Variants in PRIMA1 observed in about 807,000 individuals in gnomAD.
PRIMA1 encodes the protein proline rich membrane anchor 1.
In PRIMA1, 7 loss-of-function variants were observed where a neutral mutation model predicts 17.5. The ratio of observed to expected loss-of-function variants is 0.40; its 90% CI spans 0.23 to 0.75. PRIMA1 has a LOEUF of 0.75. Ranked by LOEUF, PRIMA1 falls within the 30% of genes least tolerant of loss-of-function variation. PRIMA1 has a pLI of 0.37. For synonymous variants in PRIMA1, 97 were observed against 77.9 expected (o/e 1.25, Z -1.29); for missense variants, 200 against 201.8 (o/e 0.99, Z 0.05).
At chr14:93,752,845 C>A (rs566266846) in intron 3 of PRIMA1, among the ~76,000 whole-genome samples, 1 of 152,358 alleles carries the variant, frequency 6.6e-6, no homozygotes, top group Non-Finnish European at 1.5e-5. Context: ...ATCAAATGCC[C>A]ATCTGCCCAA....
intron 3 of PRIMA1, among the ~76,000 whole-genome samples, chr14:93,737,915 A>G (rs1213606227): frequency 6.6e-6 from 1 of 151,308 alleles, no homozygotes; most frequent in Non-Finnish European, 1.5e-5. Flanking sequence ...TCATTCTCTC[A>G]GCTGAGGCAC....
At chr14:93,781,378 G>C (rs1056827175) in intron 2 of PRIMA1, among the ~76,000 whole-genome samples, 2 of 152,176 alleles carry the variant, frequency 1.3e-5, no homozygotes, top group African/African-American at 2.4e-5. Flanking sequence ...TGAGACCCTG[G>C]GGTTTGCTAG....
At chr14:93,777,278 C>A (rs979377402) in intron 3 of PRIMA1, among the ~76,000 whole-genome samples, 1 of 152,162 alleles carries the variant, frequency 6.6e-6, no homozygotes, top group Non-Finnish European at 1.5e-5. Flanking sequence ...TTTGTCCATG[C>A]GCTTCCTTCT....
Position 93,719,449 on chromosome 14 carries a change from C to T in PRIMA1, c.*1995G>A, listed in dbSNP as rs2076023333. 1 of 152,382 alleles carries T rather than the reference C, an allele frequency of 6.6e-6. No individual in the cohort carries two copies. The highest frequency in any genetic ancestry group is 1.5e-5 in the Non-Finnish European group (1 of 68,148). The allele number at this position is 152,382 out of a possible 1,614,324, so 9.4% of individuals were successfully genotyped here. On this transcript the variant is annotated 3_prime_UTR_variant, in exon 5 of 5. Coordinates refer to ENST00000393140, the MANE Select transcript of PRIMA1 (RefSeq NM_178013.4). ...CCTCCCCTCTTAGAGAAGGTGCCCT[C>T]TGATCACTCCTGAGCTTCTGGACAG...
intron 3 of PRIMA1, among the ~76,000 whole-genome samples, chr14:93,759,510 T>TGTGTGTGC (rs2076313495): frequency 6.6e-6 from 1 of 151,768 alleles, no homozygotes; most frequent in African/African-American, 2.4e-5. Context: ...TGCGTGTGCA[T>TGTGTGTGC]GTGTGTGTGC....
At chr14:93,777,616 A>G (rs146370440) in intron 3 of PRIMA1, among the ~76,000 whole-genome samples, 205 of 152,312 alleles carry the variant, frequency 1.3e-3, no homozygotes, top group African/African-American at 3.9e-3. Flanking sequence ...GATTACAGGC[A>G]TGAGCCACTG....
intron 3 of PRIMA1, among the ~76,000 whole-genome samples, chr14:93,768,274 C>T (rs1884952003): frequency 6.6e-6 from 1 of 152,134 alleles, no homozygotes; most frequent in South Asian, 2.1e-4. Flanking sequence ...ATATTAGTGG[C>T]CGTGTTGGCA....
chr14:93,788,560 C>T (rs893311445), upstream of PRIMA1: 4 of 152,322 alleles, frequency 2.6e-5, no homozygotes, highest in South Asian at 2.1e-4. Flanking sequence ...GGCCTCCGTC[C>T]TCACCTTGGC....
chr14:93,770,837 T>C (rs894825561), intron 3 of PRIMA1, among the ~76,000 whole-genome samples: 4 of 152,158 alleles, frequency 2.6e-5, no homozygotes, highest in Non-Finnish European at 5.9e-5. Flanking sequence ...ATAGTAGATA[T>C]TCAAAAATAT....
intron 4 of PRIMA1, among the ~76,000 whole-genome samples, chr14:93,724,887 A>C (rs1362622377): frequency 6.6e-6 from 1 of 152,168 alleles, no homozygotes; most frequent in Admixed American, 6.5e-5. Context: ...GGCGGCATGG[A>C]GCTCCCTTAG....
chr14:93,740,325 C>G (rs2076177062), intron 3 of PRIMA1, among the ~76,000 whole-genome samples: 1 of 152,218 alleles, frequency 6.6e-6, no homozygotes, highest in Non-Finnish European at 1.5e-5. Context: ...AAAAATCCTT[C>G]CCTCCAATTC....
chr14:93,751,461 G>C lies in PRIMA1; in HGVS notation c.230-14091C>G, dbSNP rs144487538. 6.0e-3 allele frequency among the ~76,000 whole-genome samples: 908 copies of C among 152,308 alleles called. 3 individuals carry two copies. Among genetic ancestry groups the C allele is most frequent in the Non-Finnish European group, 7.6e-3 (518 of 68,034 alleles). On this transcript the variant is annotated intron_variant, in intron 3 of 4. Transcript: ENST00000393140. ...TTCTTGCGTTAGGGTCTGAGGACAGGTTCCACATCAGGAACCCCAGACATG... is the reference window on the plus strand; with the variant it reads ...TTCTTGCGTTAGGGTCTGAGGACAGCTTCCACATCAGGAACCCCAGACATG...
chr14:93,731,126 A>G (rs567507064), intron 4 of PRIMA1, among the ~76,000 whole-genome samples: 1 of 152,204 alleles, frequency 6.6e-6, no homozygotes, highest in Non-Finnish European at 1.5e-5. Context: ...AGCTATGCAC[A>G]ATATGTTCTT....
At chr14:93,767,765 T>C (rs1280801707) in intron 3 of PRIMA1, among the ~76,000 whole-genome samples, 1 of 152,022 alleles carries the variant, frequency 6.6e-6, no homozygotes, top group African/African-American at 2.4e-5. Context: ...ACCCCCCCTC[T>C]CCATTCTGCC....
chr14:93,726,730 T>C lies in PRIMA1; in HGVS notation c.360-5184A>G, dbSNP rs966850957. 4.0e-5 allele frequency among the ~76,000 whole-genome samples: 6 copies of C among 151,774 alleles called. No homozygotes were observed. Among genetic ancestry groups the C allele is most frequent in the South Asian group, 2.1e-4 (1 of 4,802 alleles). Reference sequence around the variant, plus strand: ...ACAAACATGTACTTACACACACACATATATGTACACACAGGCACATACGCA... The same window carrying C: ...ACAAACATGTACTTACACACACACACATATGTACACACAGGCACATACGCA... On this transcript the variant is annotated intron_variant, in intron 4 of 4. Coordinates refer to ENST00000393140, the MANE Select transcript of PRIMA1 (RefSeq NM_178013.4). The surrounding 1 kb of genome is among the most constrained non-coding windows in gnomAD (Gnocchi z 4.2).
chr14:93,743,356 G>A (rs1165213563), intron 3 of PRIMA1, among the ~76,000 whole-genome samples: 1 of 152,236 alleles, frequency 6.6e-6, no homozygotes, highest in East Asian at 1.9e-4. Context: ...TGGGCTGCAT[G>A]AGCAGCTTCC....
At chr14:93,722,334 CTGGTGGTAATGGGGTGATGGTGG>C (rs2076044675) in intron 4 of PRIMA1, among the ~76,000 whole-genome samples, 1 of 9,402 alleles carries the variant, frequency 1.1e-4, no homozygotes, top group Non-Finnish European at 2.2e-4. Flanking sequence ...AGTGGTGATG[CTGGTGGTAATGGGGTGATGGTGG>C]TAGTGGTGAT....
chr14:93,723,580 A>C (rs2076056668), intron 4 of PRIMA1, among the ~76,000 whole-genome samples: 1 of 152,158 alleles, frequency 6.6e-6, no homozygotes, highest in African/African-American at 2.4e-5. Flanking sequence ...AAGCAAGCCA[A>C]GTGCACTCAT....
At chr14:93,765,737 T>C (rs1285699000) in intron 3 of PRIMA1, among the ~76,000 whole-genome samples, 1 of 152,108 alleles carries the variant, frequency 6.6e-6, no homozygotes, top group Non-Finnish European at 1.5e-5. Context: ...TTATGTCCCT[T>C]AGACATTCTT....
Sources: allele counts gnomAD v4.1 joint callset (sites outside exome capture counted in the v4.1 genomes callset), GRCh38; gene constraint gnomAD v4.1.1; non-coding constraint Gnocchi (gnomAD v3.1); transcripts MANE v1.5; gene names NCBI Gene and HGNC (gene_info 2026-07-23, HGNC 2026-07-21).